CLTA: variants seen among roughly 807,000 people sequenced by gnomAD.
The protein encoded by CLTA is clathrin, light polypeptide (Lca).
CLTA carries 9 observed loss-of-function variants against 26.9 expected under a neutral mutation model. That is an observed-to-expected ratio of 0.33 (90% CI 0.20 to 0.58). The LOEUF is 0.58. Among genes scored for constraint, CLTA ranks in the 20% least tolerant of loss-of-function variants. The pLI is 0.85. For missense variants in CLTA, 278 were observed against 294.2 expected (o/e 0.94, Z 0.40); for synonymous variants, 120 against 115.5 (o/e 1.04, Z -0.25).
chr9:36,197,398 T>C (rs1427706661), intron 1 of CLTA, among the ~76,000 whole-genome samples, 153 bp from the exon 2 acceptor site: 3 of 152,226 alleles, frequency 2.0e-5, no homozygotes, highest in Admixed American at 6.5e-5. Context: ...TAAGCACATC[T>C]TGGTTTTATT....
In CLTA at chr9:36,191,212, C is replaced by G; in HGVS notation, c.156C>G (p.Phe52Leu). ...CGGGCATCGAGAACGACGAGGCCTT[C>G]GCCATCCTGGACGGCGGCGCCCCCG... ...EIAGIENDEA[F>L]AILDGGAPGP... Residue 52 changes from phenylalanine (F) to leucine (L), a missense_variant, in exon 1 of 5, where the codon TTC becomes TTG. By Grantham distance (22) the Phe-to-Leu change is conservative (BLOSUM62 0). Transcript: ENST00000345519. 1 of 1,562,160 alleles carries G rather than the reference C, an allele frequency of 6.4e-7. No individual in the cohort carries two copies.
At chr9:36,201,997 G>A (rs1827443446) in intron 3 of CLTA, among the ~76,000 whole-genome samples, 1 of 152,082 alleles carries the variant, frequency 6.6e-6, no homozygotes, top group South Asian at 2.1e-4. Context: ...TGTGGTCCCA[G>A]CTGCTTAGGA....
At chr9:36,200,360 G>A (rs947248073) in intron 3 of CLTA, among the ~76,000 whole-genome samples, 1 of 152,148 alleles carries the variant, frequency 6.6e-6, no homozygotes, top group Non-Finnish European at 1.5e-5. Flanking sequence ...TGTTTTGGCT[G>A]ACCTACTTTA....
At chr9:36,201,079 A>G (rs577080325) in intron 3 of CLTA, among the ~76,000 whole-genome samples, 1 of 152,310 alleles carries the variant, frequency 6.6e-6, no homozygotes, top group African/African-American at 2.4e-5. Flanking sequence ...GTCTGGAAAG[A>G]TTTAATTTTT....
chr9:36,196,342 CTTTTTTT>C (rs372357204), intron 1 of CLTA, among the ~76,000 whole-genome samples: 7 of 135,146 alleles, frequency 5.2e-5, no homozygotes, highest in Non-Finnish European at 7.9e-5. Context: ...TTTCTTTTTT[CTTTTTTT>C]TTTTTTTTAT....
At chr9:36,208,854 G>A (rs547318854) in intron 4 of CLTA, among the ~76,000 whole-genome samples, 1 of 152,336 alleles carries the variant, frequency 6.6e-6, no homozygotes, top group East Asian at 1.9e-4. Context: ...TGGTGTAGCT[G>A]AGCAAGTTGT....
At chr9:36,210,034 T>C (rs1399307818) in intron 4 of CLTA, among the ~76,000 whole-genome samples, 1 of 152,036 alleles carries the variant, frequency 6.6e-6, no homozygotes, top group Admixed American at 6.6e-5. Flanking sequence ...CTTCTCCCCC[T>C]GACCCCCCCA....
intron 3 of CLTA, among the ~76,000 whole-genome samples, chr9:36,203,031 C>T (rs1827506752): frequency 6.6e-6 from 1 of 152,008 alleles, no homozygotes; most frequent in Non-Finnish European, 1.5e-5. Flanking sequence ...CGGGATTTTA[C>T]CATGTTGGCC....
chr9:36,191,711 G>A (rs1826734591), intron 1 of CLTA, among the ~76,000 whole-genome samples: 1 of 152,224 alleles, frequency 6.6e-6, no homozygotes, highest in African/African-American at 2.4e-5. Flanking sequence ...TATCGTTTTT[G>A]AGAGATACAA....
intron 1 of CLTA, among the ~76,000 whole-genome samples, chr9:36,194,596 G>A (rs567666567): frequency 6.6e-6 from 1 of 152,316 alleles, no homozygotes; most frequent in Admixed American, 6.5e-5. Flanking sequence ...GTAATAAATG[G>A]CTCAAGTGCA....
intron 1 of CLTA, among the ~76,000 whole-genome samples, chr9:36,192,096 A>G (rs1826765374): frequency 6.6e-6 from 1 of 152,180 alleles, no homozygotes; most frequent in South Asian, 2.1e-4. Context: ...CATGAGTGGA[A>G]AAGACCTACT....
At chr9:36,203,699 A>G (rs539582639) in intron 3 of CLTA, among the ~76,000 whole-genome samples, 9 of 152,342 alleles carry the variant, frequency 5.9e-5, no homozygotes, top group Admixed American at 3.3e-4. Context: ...TTCTCCCCCA[A>G]TTGGTGCCCA....
intron 1 of CLTA, among the ~76,000 whole-genome samples, chr9:36,194,504 C>T (rs1826917706): frequency 6.6e-6 from 1 of 152,218 alleles, no homozygotes; most frequent in Non-Finnish European, 1.5e-5. Context: ...CCAGCAGTAG[C>T]TCCACAGGTT....
chr9:36,199,148 C>A, intron 3 of CLTA, 52 bp downstream of exon 3: 1 of 1,111,282 alleles, frequency 9.0e-7, no homozygotes, highest in Non-Finnish European at 1.4e-6. Flanking sequence ...AGTAGTTGAG[C>A]TGGACTCTAC....
chr9:36,209,803 G>T (rs991346490), intron 4 of CLTA, among the ~76,000 whole-genome samples: 1 of 152,174 alleles, frequency 6.6e-6, no homozygotes, highest in Admixed American at 6.5e-5. Context: ...TCCATACTTG[G>T]TTCATTCAAA....
At chr9:36,208,608 G>A (rs1827853240) in intron 4 of CLTA, among the ~76,000 whole-genome samples, 2 of 152,210 alleles carry the variant, frequency 1.3e-5, no homozygotes, top group Admixed American at 1.3e-4. Flanking sequence ...TTCTGGAAGT[G>A]TATCCCACCC....
intron 4 of CLTA, among the ~76,000 whole-genome samples, chr9:36,206,821 G>A (rs1254957770): frequency 6.6e-6 from 1 of 152,080 alleles, no homozygotes; most frequent in Non-Finnish European, 1.5e-5. Flanking sequence ...CTAGAACCCG[G>A]GAGGCAGAGG....
At chr9:36,209,214 TTC>T (rs1827899100) in intron 4 of CLTA, 1 of 1,610,344 alleles carries the variant, frequency 6.2e-7, no homozygotes, top group Non-Finnish European at 8.5e-7. Context: ...CTTCTCAATG[TTC>T]TCTCTTTTTT....
rs376964028 is a variant in CLTA, at chr9:36,190,983, CTGCCGGGCGTGGTGTCGGTGGG to C, written c.-72_-51del. The C allele has an allele frequency of 1.4e-5, 21 of 1,460,398 alleles. No individual in the cohort carries two copies. The African/African-American group carries it at 3.1e-4, about 21-fold the overall frequency. The allele number at this position is 1,460,398 out of a possible 1,614,324, so 90.5% of individuals were successfully genotyped here. A position where few individuals can be genotyped will look rare whatever the true frequency, so the allele number is the denominator to read the frequency against. ...CTCCCAGTCGGCACCACAGCGGTGG[CTGCCGGGCGTGGTGTCGGTGGG>C]TCGGTTGGTTTTTGTCTCACCGTTG... is the stretch of plus-strand genomic sequence containing the variant. On this transcript the variant is annotated 5_prime_UTR_variant, in exon 1 of 5. Transcript: ENST00000345519.
Sources: allele counts gnomAD v4.1 joint callset (sites outside exome capture counted in the v4.1 genomes callset), GRCh38; gene constraint gnomAD v4.1.1; transcripts MANE v1.5; gene names NCBI Gene and HGNC (gene_info 2026-07-23, HGNC 2026-07-21).